TOX2: variants seen among roughly 807,000 people sequenced by gnomAD.
TOX2 encodes TOX high mobility group box family member 2.
TOX2 carries 15 observed loss-of-function variants against 47.4 expected under a neutral mutation model. The observed-to-expected ratio is 0.32, with a 90% CI of 0.21 to 0.49. TOX2 has a LOEUF of 0.49. Among genes scored for constraint, TOX2 ranks in the 20% least tolerant of loss-of-function variants. The pLI is 0.99. For missense variants in TOX2, 622 were observed against 673.1 expected (o/e 0.92, Z 0.84); for synonymous variants, 290 against 296.6 (o/e 0.98, Z 0.23).
At chr20:44,003,329 G>A (rs1336886157) in intron 2 of TOX2, among the ~76,000 whole-genome samples, 1 of 151,962 alleles carries the variant, frequency 6.6e-6, no homozygotes, top group Non-Finnish European at 1.5e-5. Flanking sequence ...GGGACTACAG[G>A]TGCATGGCCA....
chr20:43,976,268 T>A (rs890282202), intron 2 of TOX2, among the ~76,000 whole-genome samples: 1 of 152,224 alleles, frequency 6.6e-6, no homozygotes, highest in Non-Finnish European at 1.5e-5. Flanking sequence ...TTGCTTAGGA[T>A]CACTTTAGCA....
chr20:43,946,052 G>A, intron 1 of TOX2: 2 of 1,613,018 alleles, frequency 1.2e-6, no homozygotes, highest in Non-Finnish European at 1.7e-6. Flanking sequence ...AGCAGCGGGT[G>A]CCCACCGCCC....
intron 3 of TOX2, among the ~76,000 whole-genome samples, chr20:44,042,593 G>C (rs1460242995): frequency 6.6e-6 from 1 of 152,206 alleles, no homozygotes; most frequent in African/African-American, 2.4e-5. Context: ...TCACTTATCT[G>C]AAGAAAGTGG....
At chr20:44,040,580 G>A (rs990915438) in intron 3 of TOX2, among the ~76,000 whole-genome samples, 5 of 152,144 alleles carry the variant, frequency 3.3e-5, no homozygotes, top group African/African-American at 9.7e-5. Flanking sequence ...TTTTCTGCTG[G>A]GGATGATTAT....
Position 44,051,363 on chromosome 20 carries a change from C to A in TOX2, c.469C>A (p.Leu157Met). ...AAYDSGRPGP[L>M]LGRPAMLASH... is the part of the protein sequence containing the mutation. ...CTATGACTCGGGCCGGCCCGGGCCCCTGCTGGGTCGCCCGGCAATGCTGGC... is the reference window on the plus strand; with the variant it reads ...CTATGACTCGGGCCGGCCCGGGCCCATGCTGGGTCGCCCGGCAATGCTGGC... Residue 157 changes from leucine to methionine, a missense_variant, in exon 4 of 9, where the codon CTG (leucine) becomes ATG (methionine). Around this residue, in one of 3 missense-constraint regions of TOX2, gnomAD observed 307 missense variants for 327.3 expected, o/e 0.94. Transcript: ENST00000341197. 6.2e-7 allele frequency: 1 copy of A among 1,613,986 alleles called. No individual in the cohort carries two copies. The highest frequency in any genetic ancestry group is 8.5e-7 in the Non-Finnish European group (1 of 1,179,940).
chr20:43,944,948 A>C (rs1490818363), intron 1 of TOX2, among the ~76,000 whole-genome samples: 1 of 152,220 alleles, frequency 6.6e-6, no homozygotes, highest in Non-Finnish European at 1.5e-5. Context: ...CCCTAGTTTA[A>C]CTGCATTTGT....
At chr20:44,014,380 C>T (rs1335839054) in intron 3 of TOX2, among the ~76,000 whole-genome samples, 3 of 152,066 alleles carry the variant, frequency 2.0e-5, no homozygotes, top group Non-Finnish European at 4.4e-5. Context: ...ATGGTAGAGT[C>T]GCATCATATG....
intron 1 of TOX2, chr20:43,945,739 A>C: frequency 5.4e-6 from 5 of 926,924 alleles, no homozygotes; most frequent in East Asian, 3.0e-5. Flanking sequence ...CCAAATTGGA[A>C]TAGGAGATGG....
chr20:43,934,167 G>GAGAGAGAGAGAGAGA (rs1325521677), intron 1 of TOX2, among the ~76,000 whole-genome samples: 3 of 149,766 alleles, frequency 2.0e-5, no homozygotes, highest in African/African-American at 7.4e-5. Context: ...GAGAGAGAGA[G>GAGAGAGAGAGAGAGA]ACCTGCCCTC....
At chr20:43,993,063 G>A (rs2070398901) in intron 2 of TOX2, among the ~76,000 whole-genome samples, 1 of 152,114 alleles carries the variant, frequency 6.6e-6, no homozygotes, top group Admixed American at 6.6e-5. Context: ...GCTGAATGAG[G>A]AAGGCACGTG....
At chr20:43,986,110 GGT>G in intron 2 of TOX2, among the ~76,000 whole-genome samples, 1 of 152,136 alleles carries the variant, frequency 6.6e-6, no homozygotes, top group Non-Finnish European at 1.5e-5. Flanking sequence ...GGCCCTCAAG[GGT>G]GGGAAGTTTG....
At chr20:43,942,907 G>C (rs2069419692) in intron 1 of TOX2, among the ~76,000 whole-genome samples, 1 of 152,146 alleles carries the variant, frequency 6.6e-6, no homozygotes, top group East Asian at 1.9e-4. Flanking sequence ...AAAAAATGCT[G>C]AGTTTCTTCA....
In TOX2 at chr20:44,051,544, A is replaced by G. The variant is rs369638048; in HGVS notation, c.650A>G (p.Lys217Arg). The G allele has an allele frequency of 1.3e-6, 2 of 1,586,246 alleles. No homozygotes were observed. The highest frequency in any genetic ancestry group is 1.7e-6 in the Non-Finnish European group (2 of 1,162,964). Reference protein sequence around the residue: ...TQEEESEVHFKISGEKRPSAD... With the variant: ...TQEEESEVHFRISGEKRPSAD... ...GAAGAGGAGTCGGAAGTGCATTTCA[A>G]GGTATGTGCGGTGGAGGAACAGAGC... Residue 217 changes from lysine to arginine, a missense_variant and splice_region_variant, in exon 4 of 9, where the codon AAG (lysine) becomes AGG (arginine). Physicochemically the swap from Lys to Arg is conservative, Grantham distance 26 (BLOSUM62 2). This residue lies in a region of TOX2 where 307 missense variants were observed against 327.3 expected (regional missense o/e 0.94). Transcript: ENST00000341197.
At chr20:43,950,438 T>C (rs980997446) in intron 1 of TOX2, among the ~76,000 whole-genome samples, 1 of 152,146 alleles carries the variant, frequency 6.6e-6, no homozygotes, top group African/African-American at 2.4e-5. Context: ...CTCAGTGCCA[T>C]CTGTGGGGCA....
intron 1 of TOX2, among the ~76,000 whole-genome samples, chr20:43,968,591 G>C (rs947930082): frequency 2.6e-5 from 4 of 152,138 alleles, no homozygotes; most frequent in African/African-American, 9.7e-5. Context: ...GTCATGAAAG[G>C]GTTATCCCTA....
chr20:44,050,937 C>T (rs1309252650), intron 3 of TOX2, among the ~76,000 whole-genome samples: 1 of 152,218 alleles, frequency 6.6e-6, no homozygotes, highest in African/African-American at 2.4e-5. Context: ...GCGTTGCTAT[C>T]ATGCTGACTG....
At chr20:44,064,294 A>T (rs1372344159) in intron 5 of TOX2, among the ~76,000 whole-genome samples, 1 of 152,236 alleles carries the variant, frequency 6.6e-6, no homozygotes, top group Non-Finnish European at 1.5e-5. Context: ...CATGGAAACA[A>T]GGAGGTGCGA....
At chr20:43,973,119 T>C (rs939977734) in intron 1 of TOX2, among the ~76,000 whole-genome samples, 4 of 152,254 alleles carry the variant, frequency 2.6e-5, no homozygotes, top group Non-Finnish European at 4.4e-5. Context: ...AAGGTTTTCC[T>C]ATTTGCATTG....
chr20:43,937,311 C>T (rs895783160), intron 1 of TOX2, among the ~76,000 whole-genome samples: 2 of 152,098 alleles, frequency 1.3e-5, no homozygotes, highest in Non-Finnish European at 2.9e-5. Context: ...CGCAAAGGTC[C>T]CCTGAGCATT....
Sources: gnomAD v4.1 joint callset for allele counts (sites outside exome capture counted in the v4.1 genomes callset) on GRCh38, gnomAD v4.1.1 for gene constraint, gnomAD v4.1.1 regional missense constraint, MANE v1.5 for transcripts, NCBI Gene and HGNC (gene_info 2026-07-23, HGNC 2026-07-21) for gene names.